SPTA1: variants seen among roughly 807,000 people sequenced by gnomAD.
SPTA1 encodes the protein spectrin alpha chain, erythrocytic 1.
In SPTA1, 177 loss-of-function variants were observed where a neutral mutation model predicts 324.7. That is an observed-to-expected ratio of 0.55 (90% CI 0.48 to 0.62). SPTA1 has a LOEUF of 0.62. Ranked by LOEUF, SPTA1 falls within the 20% of genes least tolerant of loss-of-function variation. SPTA1 has a pLI of 0.00. For synonymous variants in SPTA1, 1,195 were observed against 1,041.3 expected, an observed-to-expected ratio of 1.15 and a Z score of -2.84; for missense variants, 3,162 against 2,883.6, an observed-to-expected ratio of 1.10 and a Z score of -2.21.
At chr1:158,613,954 G>C in intron 49 of SPTA1, 87 bp from the exon 50 acceptor site, 1 of 1,445,002 alleles carries the variant, frequency 6.9e-7, no homozygotes, top group Non-Finnish European at 9.5e-7. Context: ...TATTGCGTCA[G>C]CTGAAGCTTT....
At position 158,613,680 on chromosome 1, in the gene SPTA1, C is replaced by T. The variant is rs200533923; in HGVS notation, c.6989+41G>A. 690 of 1,612,860 alleles carry T rather than the reference C, an allele frequency of 4.3e-4. 3 individuals are homozygous for T. Among genetic ancestry groups the T allele is most frequent in the Non-Finnish European group, 4.0e-4 (467 of 1,179,412 alleles). ...ACTCTCTGTGCTTCTCCCTCCAAACCCCCATCCCTGCTGCGGTCTGACCCT... is the reference window on the plus strand; with the variant it reads ...ACTCTCTGTGCTTCTCCCTCCAAACTCCCATCCCTGCTGCGGTCTGACCCT... On this transcript the variant is annotated intron_variant, in intron 50 of 51. Coordinates refer to ENST00000643759, the MANE Select transcript of SPTA1 (RefSeq NM_003126.4).
chr1:158,665,107 C>A (rs1321997961), intron 16 of SPTA1, among the ~76,000 whole-genome samples: 1 of 152,214 alleles, frequency 6.6e-6, no homozygotes, highest in African/African-American at 2.4e-5. Context: ...GCCACCCTAA[C>A]TTTCCCAAAT....
rs760317953 is a variant in SPTA1, at chr1:158,674,569, C to T, written c.1219G>A (p.Val407Ile). ...TGCTGCTGATGCCTGTCCAGCAGAA[C>T]TTCTCCACCAGCCACATCTGTTGGC... The part of the protein sequence containing the change: ...ELPTDVAGGE[V>I]LLDRHQQHKH... Residue 407 changes from valine (V) to isoleucine (I), a missense_variant, in exon 9 of 52, where the codon GTT becomes ATT. Val to Ile is a conservative substitution (Grantham distance 29, BLOSUM62 3). Transcript: ENST00000643759. The T allele has an allele frequency of 6.2e-7, 1 of 1,614,030 alleles. No individual in the cohort carries two copies. The highest frequency in any genetic ancestry group is 1.3e-5 in the African/African-American group (1 of 74,942).
intron 7 of SPTA1, among the ~76,000 whole-genome samples, chr1:158,677,217 T>C (rs1438635521): frequency 1.3e-5 from 2 of 152,152 alleles, no homozygotes; most frequent in Non-Finnish European, 2.9e-5. Flanking sequence ...AAAGGAAACC[T>C]AAAGGTAGGT....
intron 33 of SPTA1, among the ~76,000 whole-genome samples, chr1:158,641,625 A>T (rs1164234837): frequency 6.6e-6 from 1 of 152,220 alleles, no homozygotes; most frequent in African/African-American, 2.4e-5. Context: ...ATCTCACACC[A>T]GTTAGAATGG....
At chr1:158,641,623 C>T (rs1651583031) in intron 33 of SPTA1, among the ~76,000 whole-genome samples, 1 of 152,150 alleles carries the variant, frequency 6.6e-6, no homozygotes, top group Non-Finnish European at 1.5e-5. Flanking sequence ...CCATCTCACA[C>T]CAGTTAGAAT....
chr1:158,634,873 G>C (rs1170487844), intron 38 of SPTA1, among the ~76,000 whole-genome samples, 198 bp from the exon 39 acceptor site: 1 of 152,096 alleles, frequency 6.6e-6, no homozygotes, highest in African/African-American at 2.4e-5. Context: ...GGAGACGCCT[G>C]CTCTAGAAGT....
chr1:158,669,399 T>A lies in SPTA1; in HGVS notation c.1833+9A>T, dbSNP rs771184784. The A allele has an allele frequency of 1.2e-6, 2 of 1,614,112 alleles. No homozygotes were observed. The stretch of plus-strand genomic sequence containing the variant: ...ATAACTACATCCAGCTCCTGAAAAC[T>A]CTGCCTACCTTGTAATCTTCATCAT... On this transcript the variant is annotated intron_variant, in intron 14 of 51. Transcript: ENST00000643759.
chr1:158,615,329 G>A lies in SPTA1; in HGVS notation c.6675C>T (p.Asp2225=), dbSNP rs186647435. 63 of 1,614,076 alleles carry A rather than the reference G, an allele frequency of 3.9e-5. No individual in the cohort carries two copies. Among genetic ancestry groups the A allele is most frequent in the Middle Eastern group, 1.7e-4 (1 of 6,004 alleles). Residue 2225 remains aspartate, a synonymous_variant, in exon 48 of 52, where the codon GAC becomes GAT. Transcript: ENST00000643759. The stretch of plus-strand genomic sequence containing the variant: ...TGTATTTGATATCAAGGATCAGAGC[G>A]TCTTCCAAGTTGTCCCCCAGGTCCA... The part of the protein sequence containing the change: ...KIVDLGDNLE[D]ALILDIKYST...
At chr1:158,637,752 T>G (rs535626559) in intron 36 of SPTA1, among the ~76,000 whole-genome samples, 15 of 152,356 alleles carry the variant, frequency 9.8e-5, no homozygotes, top group African/African-American at 3.4e-4. Flanking sequence ...TGCATATTAT[T>G]CAATGAACTA....
Position 158,674,444 on chromosome 1 carries a change from A to G in SPTA1, c.1249-14T>C, listed in dbSNP as rs772776160. ...GTCAATCTCATGCTGTGGCCACAAA[A>G]CAAAGTGTCTCAAAATGCAGCAAGA... On this transcript the variant is annotated splice_polypyrimidine_tract_variant and intron_variant, in intron 9 of 51. Transcript: ENST00000643759. The G allele has an allele frequency of 9.9e-6, 16 of 1,613,966 alleles. No individual in the cohort carries two copies. Among genetic ancestry groups the G allele is most frequent in the Non-Finnish European group, 1.4e-5 (16 of 1,179,980 alleles).
rs1393775497 is a variant in SPTA1, at chr1:158,620,465, G to C, written c.6122C>G (p.Ala2041Gly). 2 of 1,612,460 alleles carry C rather than the reference G, an allele frequency of 1.2e-6. No homozygotes were observed. The highest frequency in any genetic ancestry group is 3.3e-5 in the Admixed American group (2 of 59,988). ...TGCAAATTCCACGAACAGGTCCTCA[G>C]CCTGCAGAGAGAAAAAAAAGACACT... Reference protein sequence around the residue: ...LLEKQLPLQKAEDLFVEFAHK... With the variant: ...LLEKQLPLQKGEDLFVEFAHK... The change falls in exon 44 of 52, where the codon GCT becomes GGT. Residue 2041 changes from alanine to glycine, a missense_variant and splice_region_variant. Coordinates refer to ENST00000643759, the MANE Select transcript of SPTA1 (RefSeq NM_003126.4).
chr1:158,611,785 C>T, intron 51 of SPTA1: 1 of 209,722 alleles, frequency 4.8e-6, no homozygotes, highest in Non-Finnish European at 9.6e-6. Flanking sequence ...GAATAACTCA[C>T]CAGTGGTTAC....
chr1:158,639,708 A>T, intron 34 of SPTA1, 22 bp from the exon 35 acceptor site: 2 of 1,613,646 alleles, frequency 1.2e-6, no homozygotes, highest in Non-Finnish European at 1.7e-6. Context: ...GAAATAAGCA[A>T]TAAAGCTGCC....
intron 19 of SPTA1, 59 bp downstream of exon 19, chr1:158,657,418 A>G: frequency 6.5e-7 from 1 of 1,534,848 alleles, no homozygotes; most frequent in East Asian, 2.2e-5. Flanking sequence ...CAAACCCTAA[A>G]TTGATAATTT....
At chr1:158,645,774 C>T (rs2101839623) in intron 27 of SPTA1, among the ~76,000 whole-genome samples, 180 bp from the exon 28 acceptor site, 1 of 152,228 alleles carries the variant, frequency 6.6e-6, no homozygotes, top group Non-Finnish European at 1.5e-5. Flanking sequence ...GATAACAATC[C>T]CTTGTATTTG....
chr1:158,664,480 A>T (rs559063815), intron 16 of SPTA1, among the ~76,000 whole-genome samples: 365 of 152,198 alleles, frequency 2.4e-3, no homozygotes, highest in Non-Finnish European at 4.0e-3. Flanking sequence ...TTGAACAATG[A>T]CAACACATGG....
intron 17 of SPTA1, among the ~76,000 whole-genome samples, chr1:158,662,494 G>T (rs1287300114): frequency 6.6e-6 from 1 of 152,102 alleles, no homozygotes; most frequent in Non-Finnish European, 1.5e-5. Flanking sequence ...TAAATTCATG[G>T]CATTGCTCAT....
intron 18 of SPTA1, among the ~76,000 whole-genome samples, chr1:158,658,816 C>T (rs891608967): frequency 1.3e-5 from 2 of 152,054 alleles, no homozygotes; most frequent in Non-Finnish European, 2.9e-5. Flanking sequence ...TTATCAGAAG[C>T]TTGCAAAGTC....
Sources: allele counts gnomAD v4.1 joint callset (sites outside exome capture counted in the v4.1 genomes callset), GRCh38; gene constraint gnomAD v4.1.1; transcripts MANE v1.5; gene names NCBI Gene and HGNC (gene_info 2026-07-23, HGNC 2026-07-21).